FOXP4: variants seen among roughly 807,000 people sequenced by gnomAD.
The protein encoded by FOXP4 is forkhead box P4, also known as forkhead box protein P4.
In FOXP4, 25 loss-of-function variants were observed where a neutral mutation model predicts 82.6. The observed-to-expected ratio is 0.30, with a 90% CI of 0.22 to 0.42. The LOEUF (loss-of-function observed/expected upper bound fraction) is 0.42. FOXP4 is among the 10% of genes least tolerant of loss of function. The pLI is 1.00. For missense variants in FOXP4, 785 were observed against 900.9 expected (o/e 0.87, Z 1.65); for synonymous variants, 415 against 388.2 (o/e 1.07, Z -0.81).
chr6:41,587,907 A>G lies in FOXP4; in HGVS notation c.977+10A>G, dbSNP rs1489044624. On this transcript the variant is annotated intron_variant, in intron 8 of 16. Coordinates refer to ENST00000307972, the MANE Select transcript of FOXP4 (RefSeq NM_001012426.2). ...TGGGCCAGTTTATCAAGTAGGTGTC[A>G]CCCCCAGCCCCTCCCCCAGCAGCCT... The G allele has an allele frequency of 2.0e-6, 3 of 1,484,582 alleles. No individual in the cohort carries two copies. The highest frequency in any genetic ancestry group is 2.8e-5 in the African/African-American group (2 of 71,416). The allele number at this position is 1,484,582 out of a possible 1,614,324, so 92.0% of individuals were successfully genotyped here.
intron 1 of FOXP4, among the ~76,000 whole-genome samples, chr6:41,559,873 A>C (rs145295018): frequency 6.6e-6 from 1 of 152,144 alleles, no homozygotes; most frequent in Non-Finnish European, 1.5e-5. Context: ...TGGGTTAGCA[A>C]CTTCTGTTGG....
intron 14 of FOXP4, 27 bp from the exon 15 acceptor site, chr6:41,597,149 C>T: frequency 6.2e-7 from 1 of 1,612,448 alleles, no homozygotes; most frequent in Non-Finnish European, 8.5e-7. Context: ...AATGAGTGAG[C>T]CAAAGATGGC....
intron 16 of FOXP4, 53 bp from the exon 17 acceptor site, chr6:41,598,736 C>T (rs1161575560): frequency 6.5e-7 from 1 of 1,547,968 alleles, no homozygotes; most frequent in East Asian, 2.4e-5. Context: ...GGGCAGGGGG[C>T]AGAGGGCATC....
intron 3 of FOXP4, among the ~76,000 whole-genome samples, chr6:41,580,040 C>G (rs954092461): frequency 5.6e-5 from 8 of 142,664 alleles, no homozygotes; most frequent in South Asian, 2.2e-4. Flanking sequence ...CTCCAGAACT[C>G]ACACTTTTTT....
intron 2 of FOXP4, among the ~76,000 whole-genome samples, chr6:41,570,016 T>TA (rs923777768): frequency 6.6e-6 from 1 of 150,534 alleles, no homozygotes; most frequent in Non-Finnish European, 1.5e-5. Flanking sequence ...CCAAGCTACT[T>TA]AGAGGGATGA....
chr6:41,549,812 G>A (rs529685730), intron 1 of FOXP4, among the ~76,000 whole-genome samples: 2 of 152,012 alleles, frequency 1.3e-5, no homozygotes, highest in African/African-American at 4.8e-5. Flanking sequence ...GGGAGGGAAG[G>A]GTTGTCTCCC....
chr6:41,589,315 G>T (rs961000386), intron 9 of FOXP4, among the ~76,000 whole-genome samples: 3 of 152,254 alleles, frequency 2.0e-5, no homozygotes, highest in African/African-American at 4.8e-5. Flanking sequence ...AGAGCATCCT[G>T]CTGTGAGAGG....
chr6:41,588,471 C>T (rs1420664985), intron 8 of FOXP4, among the ~76,000 whole-genome samples, 173 bp from the exon 9 acceptor site: 1 of 152,250 alleles, frequency 6.6e-6, no homozygotes, highest in African/African-American at 2.4e-5. Flanking sequence ...AGGAGGCTGA[C>T]GAGAAGGGAG....
intron 2 of FOXP4, among the ~76,000 whole-genome samples, chr6:41,572,431 A>G (rs1038854331): frequency 3.9e-5 from 6 of 152,210 alleles, no homozygotes; most frequent in Admixed American, 3.3e-4. Context: ...AGTCCCCAGT[A>G]CTGAGGACAC....
Position 41,565,757 on chromosome 6 carries a change from C to A in FOXP4, c.-4C>A, listed in dbSNP as rs200119143. ...CTTCCTCCTCCAGGTACCGCTAGAG[C>A]GACATGATGGTGGAATCTGCCTCGG... On this transcript the variant is annotated 5_prime_UTR_variant, in exon 2 of 17. Coordinates refer to ENST00000307972, the MANE Select transcript of FOXP4 (RefSeq NM_001012426.2). 1.3e-6 allele frequency: 2 copies of A among 1,595,092 alleles called. No homozygotes were observed. Among genetic ancestry groups the A allele is most frequent in the East Asian group, 2.2e-5 (1 of 44,522 alleles).
At chr6:41,551,743 G>A (rs998912535) in intron 1 of FOXP4, among the ~76,000 whole-genome samples, 1 of 152,162 alleles carries the variant, frequency 6.6e-6, no homozygotes, top group Admixed American at 6.5e-5. Flanking sequence ...TACTCAAGTA[G>A]CAGCAAAGGG....
intron 13 of FOXP4, among the ~76,000 whole-genome samples, chr6:41,594,611 A>T (rs1020221642): frequency 6.6e-6 from 1 of 152,222 alleles, no homozygotes; most frequent in South Asian, 2.1e-4. Context: ...ACTTTCCAAG[A>T]TGTGGCAGGG....
chr6:41,584,437 T>A (rs1345511585), intron 3 of FOXP4, among the ~76,000 whole-genome samples: 1 of 152,270 alleles, frequency 6.6e-6, no homozygotes, highest in African/African-American at 2.4e-5. Flanking sequence ...CTAATCTTCC[T>A]GCTCTAAGGA....
At chr6:41,586,790 G>A (rs1375256357) in intron 5 of FOXP4, among the ~76,000 whole-genome samples, 2 of 152,120 alleles carry the variant, frequency 1.3e-5, no homozygotes, top group African/African-American at 4.8e-5. Context: ...GTGTGTTTGC[G>A]CGCGTGCGTG....
At position 41,599,074 on chromosome 6, in the gene FOXP4, T is replaced by A; in HGVS notation, c.*138T>A. On this transcript the variant is annotated 3_prime_UTR_variant, in exon 17 of 17. Transcript: ENST00000307972. Reference sequence around the variant, plus strand: ...GACCGGGGAGGCCCGGGCCAGCAGCTCCCAGTGTGACCTGACAAAAACACG... The same window carrying A: ...GACCGGGGAGGCCCGGGCCAGCAGCACCCAGTGTGACCTGACAAAAACACG... The A allele has an allele frequency of 2.4e-6, 3 of 1,231,244 alleles. No individual in the cohort carries two copies. Among genetic ancestry groups the A allele is most frequent in the South Asian group, 1.6e-5 (1 of 61,010 alleles). The allele number at this position is 1,231,244 out of a possible 1,614,324, so 76.3% of individuals were successfully genotyped here.
chr6:41,584,633 G>A (rs1765991623), intron 3 of FOXP4, 136 bp from the exon 4 acceptor site: 1 of 984,860 alleles, frequency 1.0e-6, no homozygotes, highest in Non-Finnish European at 1.5e-6. Context: ...GAGACAGCCA[G>A]CAGGCAGCAG....
rs202150520 is a variant in FOXP4 at position 41,587,351 on chromosome 6, C to G, written c.711C>G (p.Pro237=). The G allele has an allele frequency of 1.1e-5, 17 of 1,610,198 alleles. No homozygotes were observed. Among genetic ancestry groups the G allele is most frequent in the Non-Finnish European group, 1.4e-5 (17 of 1,178,068 alleles). ...LPQLWKGEGA[P]GQPAEDSVKQ... Reference sequence around the variant, plus strand: ...AGCTGTGGAAGGGCGAGGGTGCCCCCGGGCAGCCTGCCGAGGACAGCGTCA... The same window carrying G: ...AGCTGTGGAAGGGCGAGGGTGCCCCGGGGCAGCCTGCCGAGGACAGCGTCA... Residue 237 remains proline, a synonymous_variant, in exon 7 of 17, where the codon CCC becomes CCG. Transcript: ENST00000307972.
chr6:41,593,353 T>G lies in FOXP4; in HGVS notation c.1537-1517T>G, dbSNP rs1032385407. Reference sequence around the variant, plus strand: ...TGTGGGCCCAGCCAGCTGCCGTTCATCCAGGGACAGAGCTGCCATCTGCCA... The same window carrying G: ...TGTGGGCCCAGCCAGCTGCCGTTCAGCCAGGGACAGAGCTGCCATCTGCCA... On this transcript the variant is annotated intron_variant, in intron 13 of 16. Coordinates refer to ENST00000307972, the MANE Select transcript of FOXP4 (RefSeq NM_001012426.2). The surrounding 1 kb of genome is among the most constrained non-coding windows in gnomAD (Gnocchi z 4.1). 6.6e-6 allele frequency among the ~76,000 whole-genome samples: 1 copy of G among 152,106 alleles called. No homozygotes were observed. Among genetic ancestry groups the G allele is most frequent in the African/African-American group, 2.4e-5 (1 of 41,420 alleles).
chr6:41,569,716 C>T (rs1462685827), intron 2 of FOXP4, among the ~76,000 whole-genome samples: 1 of 152,162 alleles, frequency 6.6e-6, no homozygotes, highest in Non-Finnish European at 1.5e-5. Context: ...CTGGAGTGCG[C>T]ACTCCCATTG....
Sources: allele counts gnomAD v4.1 joint callset (sites outside exome capture counted in the v4.1 genomes callset), GRCh38; gene constraint gnomAD v4.1.1; non-coding constraint Gnocchi (gnomAD v3.1); transcripts MANE v1.5; gene names NCBI Gene and HGNC (gene_info 2026-07-23, HGNC 2026-07-21).